The following PCDH11X variants were observed in gnomAD, a reference collection of about 807,000 sequenced individuals.
PCDH11X encodes protocadherin 11 X-linked.
Under a neutral mutation model 53.3 loss-of-function variants are expected in PCDH11X, and 18 were observed. The observed-to-expected ratio is 0.34, with a 90% CI of 0.23 to 0.50. The LOEUF is 0.50. Among genes scored for constraint, PCDH11X ranks in the 20% least tolerant of loss-of-function variants. PCDH11X has a pLI of 0.98. For missense variants in PCDH11X, 570 were observed against 1,032.4 expected (o/e 0.55, Z 6.14); for synonymous variants, 279 against 393.3 (o/e 0.71, Z 3.44).
intron 7 of PCDH11X, among the ~76,000 whole-genome samples, chrX:92,203,977 C>A (rs757216334): frequency 4.3e-4 from 48 of 112,275 alleles, no homozygotes; most frequent in African/African-American, 1.4e-3. Flanking sequence ...TTGGGGCTTG[C>A]ACCCTCTGAA....
intron 5 of PCDH11X, among the ~76,000 whole-genome samples, chrX:91,865,094 G>A (rs1176416376): frequency 9.1e-6 from 1 of 110,313 alleles, no homozygotes; most frequent in African/African-American, 3.3e-5. Context: ...TCAGTGTTTA[G>A]GCATTGAAGA....
intron 6 of PCDH11X, among the ~76,000 whole-genome samples, chrX:92,193,302 A>G (rs754701729): frequency 9.0e-6 from 1 of 111,726 alleles, no homozygotes; most frequent in Non-Finnish European, 1.9e-5. Context: ...TCATCTCAGT[A>G]TTATTGATAC....
At chrX:91,899,394 C>T (rs1037256156) in intron 6 of PCDH11X, among the ~76,000 whole-genome samples, 6 of 110,831 alleles carry the variant, frequency 5.4e-5, no homozygotes, top group African/African-American at 2.0e-4. Flanking sequence ...ATTGTGTCCA[C>T]CGATTGAGGG....
At chrX:92,488,623 A>G (rs1347842797) in intron 10 of PCDH11X, among the ~76,000 whole-genome samples, 2 of 110,600 alleles carry the variant, frequency 1.8e-5, no homozygotes, top group African/African-American at 3.3e-5. Context: ...ACCTCTATCT[A>G]TTAGACTCAG....
intron 5 of PCDH11X, among the ~76,000 whole-genome samples, chrX:91,844,590 GT>G (rs755859016): frequency 0.021 from 2,124 of 101,715 alleles, 49 homozygotes; most frequent in African/African-American, 0.071. Flanking sequence ...AATCACGACT[GT>G]TTTTTTTTTC....
chrX:92,218,985 A>T (rs2066793395), intron 7 of PCDH11X, among the ~76,000 whole-genome samples: 2 of 111,881 alleles, frequency 1.8e-5, no homozygotes, highest in East Asian at 2.8e-4. Context: ...GGCCTTTGAC[A>T]AAATTCAACA....
intron 7 of PCDH11X, among the ~76,000 whole-genome samples, chrX:92,243,324 A>C (rs1225108413): frequency 9.0e-6 from 1 of 111,533 alleles, no homozygotes; most frequent in Non-Finnish European, 1.9e-5. Flanking sequence ...TTTATTTATA[A>C]ATATCCAATT....
intron 6 of PCDH11X, among the ~76,000 whole-genome samples, chrX:92,107,507 C>T (rs914259476): frequency 6.3e-5 from 7 of 111,858 alleles, no homozygotes; most frequent in East Asian, 2.8e-4. Context: ...GAGGCAGAGG[C>T]GGGCTGATCA....
intron 6 of PCDH11X, among the ~76,000 whole-genome samples, chrX:91,881,552 A>T (rs1387813202): frequency 9.0e-6 from 1 of 111,623 alleles, no homozygotes; most frequent in Non-Finnish European, 1.9e-5. Context: ...GACTAATATG[A>T]TACTAAAAAT....
intron 6 of PCDH11X, among the ~76,000 whole-genome samples, chrX:92,133,825 C>A (rs2065036618): frequency 8.9e-6 from 1 of 112,025 alleles, no homozygotes; most frequent in Non-Finnish European, 1.9e-5. Context: ...AGGTCTCAAT[C>A]AATTTAGAAA....
chrX:92,098,010 G>C lies in PCDH11X; in HGVS notation c.3034-103365G>C, dbSNP rs1346039420. On this transcript the variant is annotated intron_variant, in intron 6 of 10. Transcript: ENST00000682573. ...GCTTTTAAAATATTTTTGATCCTCA[G>C]TTGCTTGAAATCAAGAATGTGGAAC... 5.4e-5 allele frequency among the ~76,000 whole-genome samples: 6 copies of C among 110,379 alleles called. No homozygotes were observed. In the East Asian group the frequency reaches 1.7e-3, roughly 31 times the overall value.
In PCDH11X at chrX:92,576,765, ACTGT is replaced by A. The variant is rs760944519; in HGVS notation, c.3368-41496_3368-41493del. Among the ~76,000 whole-genome samples the A allele has an allele frequency of 5.5e-3, 599 of 108,432 alleles. 4 individuals are homozygous for A. The highest frequency in any genetic ancestry group is 0.019 in the African/African-American group (556 of 29,979). The allele number at this position is 108,432 out of a possible 115,157, so 94.2% of individuals were successfully genotyped here. A position where few individuals can be genotyped will look rare whatever the true frequency, so the allele number is the denominator to read the frequency against. ...GTTGTTTCTATTTATATCTTATTGT[ACTGT>A]CTATGTCTTGAAAGTTGTTGTAGTT... is the stretch of plus-strand genomic sequence containing the variant. On this transcript the variant is annotated intron_variant, in intron 10 of 10. Coordinates refer to ENST00000682573, the MANE Select transcript of PCDH11X (RefSeq NM_032968.5).
chrX:92,351,602 A>T (rs2070052242), intron 8 of PCDH11X, among the ~76,000 whole-genome samples: 1 of 111,748 alleles, frequency 8.9e-6, no homozygotes, highest in Non-Finnish European at 1.9e-5. Flanking sequence ...CCTTGAGTCA[A>T]ATTTTTTAAC....
intron 6 of PCDH11X, among the ~76,000 whole-genome samples, chrX:92,107,056 T>G: frequency 8.9e-6 from 1 of 111,963 alleles, no homozygotes; most frequent in Non-Finnish European, 1.9e-5. Flanking sequence ...TTCCTTTCTA[T>G]TGATAACTCT....
intron 6 of PCDH11X, chrX:91,882,880 G>C (rs1391485608): frequency 8.5e-7 from 1 of 1,182,247 alleles, no homozygotes; most frequent in African/African-American, 1.8e-5. Context: ...ATCTGATTTT[G>C]ATAACGTGTT....
intron 6 of PCDH11X, among the ~76,000 whole-genome samples, chrX:92,086,689 A>C (rs1255938946): frequency 5.4e-5 from 6 of 111,061 alleles, no homozygotes; most frequent in African/African-American, 2.0e-4. Context: ...TAAAAATACG[A>C]AACTTTTTTT....
intron 10 of PCDH11X, among the ~76,000 whole-genome samples, chrX:92,530,901 C>T (rs1387962275): frequency 1.9e-5 from 1 of 52,461 alleles, no homozygotes; most frequent in Non-Finnish European, 3.6e-5. Flanking sequence ...ATATAGAATG[C>T]AATTTTTTTT....
chrX:92,351,124 T>C (rs1376485902), intron 8 of PCDH11X, among the ~76,000 whole-genome samples: 2 of 112,088 alleles, frequency 1.8e-5, no homozygotes, highest in East Asian at 5.6e-4. Context: ...TCAATTGTTC[T>C]TCAGTCCAAA....
intron 9 of PCDH11X, among the ~76,000 whole-genome samples, chrX:92,461,231 A>G (rs1287059007): frequency 2.7e-5 from 3 of 109,727 alleles, no homozygotes; most frequent in Non-Finnish European, 5.7e-5. Context: ...TGGAACCACA[A>G]AAGACCCAGA....
Sources: gnomAD v4.1 joint callset for allele counts (sites outside exome capture counted in the v4.1 genomes callset) on GRCh38, gnomAD v4.1.1 for gene constraint, MANE v1.5 for transcripts, NCBI Gene and HGNC (gene_info 2026-07-23, HGNC 2026-07-21) for gene names.